Variants in ERBIN observed in about 807,000 individuals in gnomAD.
ERBIN encodes the protein densin-180-like protein.
In ERBIN, 60 loss-of-function variants were observed where a neutral mutation model predicts 158.4. That is an observed-to-expected ratio of 0.38 (90% CI 0.31 to 0.47). The LOEUF (loss-of-function observed/expected upper bound fraction) is 0.47. Ranked by LOEUF, ERBIN falls within the 20% of genes least tolerant of loss-of-function variation. The pLI is 0.99. For synonymous variants in ERBIN, 594 were observed against 557.2 expected, an observed-to-expected ratio of 1.07 and a Z score of -0.93; for missense variants, 1,610 against 1,648.0, an observed-to-expected ratio of 0.98 and a Z score of 0.40.
At chr5:66,015,307 A>G (rs1754599322) in intron 7 of ERBIN, among the ~76,000 whole-genome samples, 1 of 152,224 alleles carries the variant, frequency 6.6e-6, no homozygotes, top group African/African-American at 2.4e-5. Flanking sequence ...AACACTGTGA[A>G]TGCATTGCTA....
chr5:66,049,954 A>T (rs1341430909), intron 19 of ERBIN, among the ~76,000 whole-genome samples: 2 of 152,134 alleles, frequency 1.3e-5, no homozygotes, highest in Admixed American at 1.3e-4. Flanking sequence ...TTTTAAAAAC[A>T]TTAAGAAAGA....
Position 65,975,366 on chromosome 5 carries a change from C to T in ERBIN, c.-57-13269C>T, listed in dbSNP as rs572527451. Among the ~76,000 whole-genome samples the T allele has an allele frequency of 3.3e-5, 5 of 152,092 alleles. No individual in the cohort carries two copies. The East Asian group carries it at 7.8e-4, about 24-fold the overall frequency. Reference sequence around the variant, plus strand: ...TGTCACCCAGGCTGTAGTACAGTGGCGCAATCTCGGCTCACTGTAACCTCC... The same window carrying T: ...TGTCACCCAGGCTGTAGTACAGTGGTGCAATCTCGGCTCACTGTAACCTCC... On this transcript the variant is annotated intron_variant, in intron 1 of 25. Transcript: ENST00000284037.
At chr5:66,051,680 C>T (rs1759032256) in intron 20 of ERBIN, among the ~76,000 whole-genome samples, 1 of 151,880 alleles carries the variant, frequency 6.6e-6, no homozygotes, top group Non-Finnish European at 1.5e-5. Context: ...TGGCTTGAGC[C>T]CAGGAGTTCG....
intron 1 of ERBIN, among the ~76,000 whole-genome samples, chr5:65,928,068 G>A (rs187513265): frequency 6.6e-6 from 1 of 152,122 alleles, no homozygotes; most frequent in Non-Finnish European, 1.5e-5. Flanking sequence ...CCCGAGGAGA[G>A]AGTTGATTTT....
chr5:65,983,652 T>C (rs1750888934), intron 1 of ERBIN, among the ~76,000 whole-genome samples: 1 of 152,232 alleles, frequency 6.6e-6, no homozygotes, highest in African/African-American at 2.4e-5. Flanking sequence ...GGAGGCTTTG[T>C]TTTACATTTT....
chr5:65,992,285 G>C (rs986970102), intron 2 of ERBIN, among the ~76,000 whole-genome samples: 2 of 152,038 alleles, frequency 1.3e-5, no homozygotes, highest in African/African-American at 2.4e-5. Context: ...GAGTAGCTGG[G>C]ACTACAGGTG....
intron 1 of ERBIN, among the ~76,000 whole-genome samples, chr5:65,940,453 CGGGAGGGAGGTGGGGGGGTCAGT>C (rs1744759291): frequency 1.2e-4 from 13 of 109,286 alleles, no homozygotes; most frequent in Non-Finnish European, 2.0e-4. Context: ...CTGCCCCGTC[CGGGAGGGAGGTGGGGGGGTCAGT>C]CCCCCCCCCC....
intron 1 of ERBIN, among the ~76,000 whole-genome samples, chr5:65,930,353 T>C (rs1411861995): frequency 6.6e-6 from 1 of 152,252 alleles, no homozygotes; most frequent in Non-Finnish European, 1.5e-5. Context: ...TCGCCCAGGC[T>C]GGAGTGCAGT....
intron 1 of ERBIN, among the ~76,000 whole-genome samples, chr5:65,932,337 C>CAAA (rs1040732361): frequency 5.7e-4 from 31 of 54,660 alleles, no homozygotes; most frequent in East Asian, 5.4e-3. Flanking sequence ...GACTCCGTCT[C>CAAA]AAAAAAAAAA....
intron 4 of ERBIN, among the ~76,000 whole-genome samples, chr5:66,004,070 T>C (rs547798219): frequency 2.0e-5 from 3 of 151,378 alleles, no homozygotes; most frequent in Admixed American, 2.0e-4. Flanking sequence ...CCTGAGTAGC[T>C]GGGACTACAG....
At chr5:66,002,956 G>A (rs1348026540) in intron 4 of ERBIN, among the ~76,000 whole-genome samples, 1 of 152,154 alleles carries the variant, frequency 6.6e-6, no homozygotes, top group African/African-American at 2.4e-5. Flanking sequence ...GGTGATTTCT[G>A]GCCACTGCCA....
intron 1 of ERBIN, among the ~76,000 whole-genome samples, chr5:65,967,970 A>G (rs1305776063): frequency 6.6e-6 from 1 of 152,216 alleles, no homozygotes; most frequent in Non-Finnish European, 1.5e-5. Context: ...AAGTGGATGA[A>G]AGGAAAAGGG....
chr5:66,056,722 A>G (rs997991611), intron 21 of ERBIN, among the ~76,000 whole-genome samples: 5 of 152,260 alleles, frequency 3.3e-5, no homozygotes, highest in Middle Eastern at 3.4e-3. Flanking sequence ...TCTGAACACA[A>G]ATCTGCACCT....
intron 1 of ERBIN, among the ~76,000 whole-genome samples, chr5:65,978,471 G>T (rs1028890904): frequency 6.6e-6 from 1 of 150,880 alleles, no homozygotes; most frequent in Non-Finnish European, 1.5e-5. Flanking sequence ...CTTCAACCTT[G>T]ATCTACACTT....
chr5:66,014,534 G>A, intron 6 of ERBIN, 135 bp from the exon 7 acceptor site: 1 of 476,392 alleles, frequency 2.1e-6, no homozygotes, highest in South Asian at 4.0e-5. Context: ...TTTATGTTCT[G>A]TAATTTTTAA....
chr5:66,060,210 TTCA>T (rs1760117272), intron 21 of ERBIN, among the ~76,000 whole-genome samples: 1 of 152,226 alleles, frequency 6.6e-6, no homozygotes, highest in Admixed American at 6.5e-5. Context: ...TTGCCTCAAT[TTCA>T]GAGCCTGTTA....
chr5:65,969,360 T>C (rs1170193409), intron 1 of ERBIN, among the ~76,000 whole-genome samples: 1 of 152,230 alleles, frequency 6.6e-6, no homozygotes, highest in Non-Finnish European at 1.5e-5. Flanking sequence ...ATTCAGTTAC[T>C]TTTGGGAAAG....
intron 1 of ERBIN, among the ~76,000 whole-genome samples, chr5:65,957,870 GC>G: frequency 6.6e-6 from 1 of 151,530 alleles, no homozygotes; most frequent in Non-Finnish European, 1.5e-5. Flanking sequence ...CGGGGCGGCT[GC>G]CGGGCGGAGG....
chr5:66,014,870 G>A (rs1212040506), intron 7 of ERBIN, 145 bp downstream of exon 7: 1 of 500,302 alleles, frequency 2.0e-6, no homozygotes, highest in African/African-American at 2.0e-5. Context: ...AATTAATGGT[G>A]TTAAAATATT....
Sources: gnomAD v4.1 joint callset for allele counts (sites outside exome capture counted in the v4.1 genomes callset) on GRCh38, gnomAD v4.1.1 for gene constraint, MANE v1.5 for transcripts, NCBI Gene and HGNC (gene_info 2026-07-23, HGNC 2026-07-21) for gene names.